LARP4B: variants seen among roughly 807,000 people sequenced by gnomAD.
The protein encoded by LARP4B is la-related protein 4B.
In LARP4B, 12 loss-of-function variants were observed where a neutral mutation model predicts 89.8. That is an observed-to-expected ratio of 0.13 (90% CI 0.09 to 0.22). LARP4B has a LOEUF of 0.22. LARP4B is among the 10% of genes least tolerant of loss of function. The pLI, the probability that LARP4B is intolerant of heterozygous loss-of-function variation, is 1.00. For missense variants in LARP4B, 757 were observed against 947.7 expected (o/e 0.80, Z 2.64); for synonymous variants, 367 against 363.3 (o/e 1.01, Z -0.12).
At chr10:949,871 G>A in the LARP4B span, among the ~76,000 whole-genome samples, 7 of 152,114 alleles carry the variant, frequency 4.6e-5, no homozygotes, top group African/African-American at 1.4e-4. Flanking sequence ...GCAGTGGTGC[G>A]ATAACAGCTC....
At chr10:941,417 G>A in the LARP4B span, among the ~76,000 whole-genome samples, 104 of 152,276 alleles carry the variant, frequency 6.8e-4, no homozygotes, top group African/African-American at 2.4e-3. Context: ...GGGTTCAAGC[G>A]ATTCTCCTTC....
At chr10:978,241 T>A in the LARP4B span, among the ~76,000 whole-genome samples, 1 of 152,336 alleles carries the variant, frequency 6.6e-6, no homozygotes, top group East Asian at 1.9e-4. Flanking sequence ...GTTCTTAAAT[T>A]TAAGATGGAT....
At chr10:896,927 A>C (rs371516832) in intron 1 of LARP4B, among the ~76,000 whole-genome samples, 1 of 152,122 alleles carries the variant, frequency 6.6e-6, no homozygotes, top group Non-Finnish European at 1.5e-5. Context: ...CAATGCCAAC[A>C]AACCCCAAAT....
At chr10:820,315 C>T (rs1316096348) in intron 14 of LARP4B, 1 of 154,490 alleles carries the variant, frequency 6.5e-6, no homozygotes, top group Admixed American at 6.4e-5. Context: ...TGGGTCTGTC[C>T]TGCCAGTAAG....
intron 2 of LARP4B, among the ~76,000 whole-genome samples, chr10:885,238 A>C (rs1225679740): frequency 6.6e-6 from 1 of 152,138 alleles, no homozygotes; most frequent in Admixed American, 6.5e-5. Flanking sequence ...TGAACACAAC[A>C]GCCTTGCTAA....
intron 3 of LARP4B, among the ~76,000 whole-genome samples, chr10:870,878 C>T (rs10128148): frequency 0.053 from 8,082 of 152,260 alleles, 352 homozygotes; most frequent in African/African-American, 0.11. Context: ...TGGATTAACA[C>T]TTGGACTGAA....
chr10:957,868 T>C, the LARP4B span, among the ~76,000 whole-genome samples: 1 of 150,594 alleles, frequency 6.6e-6, no homozygotes, highest in Non-Finnish European at 1.5e-5. Context: ...GTGGTCTTGG[T>C]TCACTGCAAC....
rs754997742 is a variant in LARP4B, at chr10:825,142, T to C, written c.1407A>G (p.Ala469=). Residue 469 remains alanine, a synonymous_variant, in exon 13 of 18, where the codon GCA becomes GCG. Transcript: ENST00000316157. ...CAGGCCCAGCCTCTCTCTTGGCATA[T>C]GCTGAAGGGTTTTGAATCCGTGTTC... ...QTRTRIQNPS[A]YAKREAGPGR... 6.2e-7 allele frequency: 1 copy of C among 1,614,240 alleles called. No homozygotes were observed. The highest frequency in any genetic ancestry group is 1.7e-5 in the Admixed American group (1 of 60,024).
the LARP4B span, chr10:988,333 G>T: frequency 1.5e-6 from 1 of 674,016 alleles, no homozygotes; most frequent in Non-Finnish European, 2.6e-6. Flanking sequence ...GCTGTGCGAC[G>T]CGGAAAGCGC....
At chr10:892,951 C>T (rs1293806362) in intron 1 of LARP4B, among the ~76,000 whole-genome samples, 1 of 148,580 alleles carries the variant, frequency 6.7e-6, no homozygotes, top group Non-Finnish European at 1.5e-5. Flanking sequence ...TGCTCTGTCA[C>T]CCAGGCTGGA....
rs546894437 is a variant in LARP4B at position 872,406 on chromosome 10, C to A, written c.142-8136G>T. ...GAAGAGCAACACTCTCCTCTTGCAG[C>A]TACTGTGTCTACCCAGGTGCCCAGC... On this transcript the variant is annotated intron_variant, in intron 3 of 17. Transcript: ENST00000316157. Among the ~76,000 whole-genome samples the A allele has an allele frequency of 6.9e-4, 105 of 152,356 alleles. 2 individuals carry two copies. The Middle Eastern group carries it at 0.017, about 25-fold the overall frequency.
chr10:891,209 C>T (rs770385957), intron 1 of LARP4B, among the ~76,000 whole-genome samples: 13 of 151,336 alleles, frequency 8.6e-5, no homozygotes, highest in Non-Finnish European at 1.0e-4. Context: ...ACGAACTAAC[C>T]GCAAATACAA....
At chr10:960,090 G>A in the LARP4B span, among the ~76,000 whole-genome samples, 1 of 152,190 alleles carries the variant, frequency 6.6e-6, no homozygotes, top group Non-Finnish European at 1.5e-5. Flanking sequence ...AAGGCATGGA[G>A]GAACCTTGAA....
chr10:866,747 C>T (rs1834914317), intron 3 of LARP4B, among the ~76,000 whole-genome samples: 1 of 152,234 alleles, frequency 6.6e-6, no homozygotes. Flanking sequence ...AAATTCCCAA[C>T]ACTAACTAAC....
chr10:951,131 C>T, the LARP4B span, among the ~76,000 whole-genome samples: 3 of 152,280 alleles, frequency 2.0e-5, no homozygotes, highest in South Asian at 6.2e-4. Flanking sequence ...AACAGGCATC[C>T]TTGCCTTGTT....
chr10:917,526 T>C (rs1036006713), intron 1 of LARP4B, among the ~76,000 whole-genome samples: 20 of 152,224 alleles, frequency 1.3e-4, no homozygotes, highest in Admixed American at 2.6e-4. Flanking sequence ...AGGTTGACTA[T>C]GTAGAGCCAA....
chr10:909,155 A>G lies in LARP4B; in HGVS notation c.-40+22273T>C, dbSNP rs531158788. ...TAACAATACAAAAAATTAGCCGGGC[A>G]TGGTGGTGGGCACTTGTAGTCCCAG... is the stretch of plus-strand genomic sequence containing the variant. On this transcript the variant is annotated intron_variant, in intron 1 of 17. Coordinates refer to ENST00000316157, the MANE Select transcript of LARP4B (RefSeq NM_015155.3). Among the ~76,000 whole-genome samples, 598 of 152,098 alleles carry G rather than the reference A, an allele frequency of 3.9e-3. 3 individuals carry two copies. Among genetic ancestry groups the G allele is most frequent in the African/African-American group, 6.9e-3 (287 of 41,488 alleles).
Position 810,415 on chromosome 10 carries a change from C to G in LARP4B, c.*2511G>C. 6.6e-6 allele frequency: 1 copy of G among 152,214 alleles called. No homozygotes were observed. Among genetic ancestry groups the G allele is most frequent in the East Asian group, 1.9e-4 (1 of 5,194 alleles). The allele number at this position is 152,214 out of a possible 1,614,324, so 9.4% of individuals were successfully genotyped here. On this transcript the variant is annotated 3_prime_UTR_variant, in exon 18 of 18. Coordinates refer to ENST00000316157, the MANE Select transcript of LARP4B (RefSeq NM_015155.3). Reference sequence around the variant, plus strand: ...CAGTTCTTGATGCAGAAGACTGCTGCTGGCTAGGCAGTAACTACAGTGTAT... The same window carrying G: ...CAGTTCTTGATGCAGAAGACTGCTGGTGGCTAGGCAGTAACTACAGTGTAT...
intron 1 of LARP4B, among the ~76,000 whole-genome samples, chr10:925,003 C>T (rs897655832): frequency 5.9e-5 from 9 of 152,184 alleles, no homozygotes; most frequent in African/African-American, 2.2e-4. Context: ...ACGGGCCATA[C>T]ATAAATTAGT....
Sources: gnomAD v4.1 joint callset for allele counts (sites outside exome capture counted in the v4.1 genomes callset) on GRCh38, gnomAD v4.1.1 for gene constraint, MANE v1.5 for transcripts, NCBI Gene and HGNC (gene_info 2026-07-23, HGNC 2026-07-21) for gene names.